The following PTPRT variants were observed in gnomAD, a reference collection of about 807,000 sequenced individuals.
PTPRT encodes the protein receptor-type tyrosine-protein phosphatase T.
A neutral mutation model predicts 176.8 loss-of-function variants in PTPRT; 56 were observed. That is an observed-to-expected ratio of 0.32 (90% CI 0.26 to 0.40). The LOEUF (loss-of-function observed/expected upper bound fraction) is 0.40. PTPRT is among the 10% of genes least tolerant of loss of function. The pLI is 1.00. For missense variants in PTPRT, 1,540 were observed against 1,908.2 expected, an observed-to-expected ratio of 0.81 and a Z score of 3.60; for synonymous variants, 783 against 739.0, an observed-to-expected ratio of 1.06 and a Z score of -0.96.
chr20:42,833,042 G>T (rs1223469913), intron 2 of PTPRT, among the ~76,000 whole-genome samples: 1 of 151,850 alleles, frequency 6.6e-6, no homozygotes, highest in Non-Finnish European at 1.5e-5. Context: ...GTCAGCCTTG[G>T]CTGCACCACT....
At chr20:42,818,879 C>A (rs1417385586) in intron 2 of PTPRT, among the ~76,000 whole-genome samples, 1 of 152,094 alleles carries the variant, frequency 6.6e-6, no homozygotes, top group Non-Finnish European at 1.5e-5. Flanking sequence ...ATGAACAAAG[C>A]CTCCAAGAAA....
intron 5 of PTPRT, among the ~76,000 whole-genome samples, chr20:42,760,561 A>G (rs1369293412): frequency 6.6e-6 from 1 of 151,940 alleles, no homozygotes; most frequent in Non-Finnish European, 1.5e-5. Context: ...GTTCAACTTA[A>G]CAAGATTTAT....
chr20:42,751,068 T>C (rs576870639), intron 6 of PTPRT, among the ~76,000 whole-genome samples: 10 of 152,316 alleles, frequency 6.6e-5, no homozygotes, highest in Non-Finnish European at 1.5e-4. Context: ...TCTTCTGAAG[T>C]GCTAATCTTT....
intron 1 of PTPRT, among the ~76,000 whole-genome samples, chr20:43,100,016 C>G (rs868257313): frequency 2.6e-5 from 4 of 152,306 alleles, no homozygotes; most frequent in Middle Eastern, 6.8e-3. Flanking sequence ...TGGAAGGAAG[C>G]ACAATGTGTA....
intron 7 of PTPRT, among the ~76,000 whole-genome samples, chr20:42,610,206 T>C (rs2073950994): frequency 1.3e-5 from 2 of 152,330 alleles, no homozygotes; most frequent in South Asian, 2.1e-4. Context: ...ACCTGGTTGA[T>C]AGAAACTTAG....
intron 7 of PTPRT, among the ~76,000 whole-genome samples, chr20:42,646,845 T>A (rs2074912010): frequency 7.1e-6 from 1 of 141,726 alleles, no homozygotes; most frequent in Non-Finnish European, 1.5e-5. Flanking sequence ...TTCTCCTATC[T>A]CAGGCTCTAT....
chr20:42,754,373 ACGGGGTTTC>A (rs1461555280), intron 6 of PTPRT, among the ~76,000 whole-genome samples: 4 of 151,968 alleles, frequency 2.6e-5, no homozygotes, highest in African/African-American at 9.7e-5. Flanking sequence ...TTTAGTAGAG[ACGGGGTTTC>A]ACCATGTTGG....
chr20:42,304,319 AT>A (rs1292747329), intron 12 of PTPRT, among the ~76,000 whole-genome samples: 1 of 152,012 alleles, frequency 6.6e-6, no homozygotes, highest in Admixed American at 6.6e-5. Context: ...GCCCCTGTGG[AT>A]TCTGCTTGTT....
chr20:42,433,104 T>C (rs1181852888), intron 9 of PTPRT, among the ~76,000 whole-genome samples: 3 of 152,206 alleles, frequency 2.0e-5, no homozygotes, highest in Non-Finnish European at 4.4e-5. Flanking sequence ...TTTAATCTAC[T>C]GGCAAATGGA....
chr20:42,085,952 C>CTT (rs200706584), intron 27 of PTPRT, 99 bp from the exon 28 acceptor site: 3,071 of 1,089,864 alleles, frequency 2.8e-3, no homozygotes, highest in East Asian at 9.1e-3. Context: ...TTTTCTTTTT[C>CTT]TTTTTTTTTT....
At chr20:42,970,851 T>C (rs902408841) in intron 1 of PTPRT, 38 of 152,212 alleles carry the variant, frequency 2.5e-4, no homozygotes, top group Admixed American at 2.5e-3. Flanking sequence ...GTAAAATACT[T>C]TGGAGGAACT....
intron 12 of PTPRT, among the ~76,000 whole-genome samples, chr20:42,303,472 G>A (rs1339415688): frequency 1.3e-5 from 2 of 152,166 alleles, no homozygotes; most frequent in African/African-American, 4.8e-5. Context: ...TATCTTGTGG[G>A]ACTAGGGCTC....
At chr20:42,627,518 T>C (rs150198345) in intron 7 of PTPRT, among the ~76,000 whole-genome samples, 15 of 152,194 alleles carry the variant, frequency 9.9e-5, no homozygotes, top group African/African-American at 3.6e-4. Flanking sequence ...GCAATCTTTC[T>C]GCCTTGGCCT....
Position 42,253,490 on chromosome 20 carries a change from G to A in PTPRT, c.2177-4668C>T, listed in dbSNP as rs533295573. Among the ~76,000 whole-genome samples the A allele has an allele frequency of 1.5e-4, 23 of 152,166 alleles. No homozygotes were observed. In the South Asian group the frequency reaches 1.9e-3, roughly 12 times the overall value. ...CCTTAGTCCCTAAAAGGCTGTCTCC[G>A]ACTCTGGGTGACTTTGTTTTATTAA... On this transcript the variant is annotated intron_variant, in intron 13 of 30. Transcript: ENST00000373187.
chr20:43,133,701 T>A (rs959529698), intron 1 of PTPRT, among the ~76,000 whole-genome samples: 1 of 143,654 alleles, frequency 7.0e-6, no homozygotes, highest in Admixed American at 7.2e-5. Flanking sequence ...TGAGCCAAGA[T>A]CCCACCACTG....
chr20:42,188,902 G>A (rs1990885166), intron 16 of PTPRT, among the ~76,000 whole-genome samples: 1 of 152,172 alleles, frequency 6.6e-6, no homozygotes, highest in South Asian at 2.1e-4. Flanking sequence ...GACAATGACA[G>A]TGAAGGTCTG....
chr20:42,783,875 G>A (rs559994283), intron 3 of PTPRT, among the ~76,000 whole-genome samples: 9 of 152,076 alleles, frequency 5.9e-5, no homozygotes, highest in Admixed American at 5.9e-4. Flanking sequence ...AGTAGGGATG[G>A]GATGTCTTCA....
At chr20:42,342,688 C>T (rs182482409) in intron 11 of PTPRT, among the ~76,000 whole-genome samples, 120 of 152,300 alleles carry the variant, frequency 7.9e-4, no homozygotes, top group African/African-American at 2.8e-3. Context: ...GAGAATCAGA[C>T]GGTAATGATT....
intron 12 of PTPRT, among the ~76,000 whole-genome samples, chr20:42,286,852 A>G (rs969123253): frequency 5.3e-5 from 8 of 151,998 alleles, no homozygotes; most frequent in African/African-American, 1.9e-4. Context: ...TTCATCCCTC[A>G]GGGAATTAAT....
Sources: allele counts gnomAD v4.1 joint callset (sites outside exome capture counted in the v4.1 genomes callset), GRCh38; gene constraint gnomAD v4.1.1; transcripts MANE v1.5; gene names NCBI Gene and HGNC (gene_info 2026-07-23, HGNC 2026-07-21).